Variants in SPTA1 observed in about 807,000 individuals in gnomAD.
The protein encoded by SPTA1 is spectrin alpha, erythrocytic 1.
SPTA1 carries 177 observed loss-of-function variants against 324.7 expected under a neutral mutation model. The ratio of observed to expected loss-of-function variants is 0.55; its 90% CI spans 0.48 to 0.62. SPTA1 has a LOEUF of 0.62. Ranked by LOEUF, SPTA1 falls within the 20% of genes least tolerant of loss-of-function variation. The pLI, the probability that SPTA1 is intolerant of heterozygous loss-of-function variation, is 0.00. For missense variants in SPTA1, 3,162 were observed against 2,883.6 expected (o/e 1.10, Z -2.21); for synonymous variants, 1,195 against 1,041.3 (o/e 1.15, Z -2.84).
rs376263560 is a variant in SPTA1, at chr1:158,615,177, C to A, written c.6788+39G>T. On this transcript the variant is annotated intron_variant, in intron 48 of 51. Coordinates refer to ENST00000643759, the MANE Select transcript of SPTA1 (RefSeq NM_003126.4). ...GTTAAGGTCCTAACACCTAACACCA[C>A]CTGCATCCCTCCCTGCTCTGGCCAC... is the stretch of plus-strand genomic sequence containing the variant. The A allele has an allele frequency of 5.0e-6, 8 of 1,611,556 alleles. No homozygotes were observed. The African/African-American group carries it at 9.4e-5, about 19-fold the overall frequency.
chr1:158,677,513 A>G (rs1219738110), intron 7 of SPTA1, among the ~76,000 whole-genome samples, 177 bp downstream of exon 7: 1 of 152,230 alleles, frequency 6.6e-6, no homozygotes, highest in African/African-American at 2.4e-5. Flanking sequence ...AGGTATATCC[A>G]GTATCCACAT....
At chr1:158,624,769 A>T (rs1437980651) in intron 42 of SPTA1, among the ~76,000 whole-genome samples, 1 of 152,246 alleles carries the variant, frequency 6.6e-6, no homozygotes, top group Non-Finnish European at 1.5e-5. Context: ...ATAGGGCACA[A>T]GTCTAGAAGC....
chr1:158,681,474 C>T, intron 4 of SPTA1, 53 bp downstream of exon 4: 1 of 1,612,696 alleles, frequency 6.2e-7, no homozygotes, highest in East Asian at 2.2e-5. Context: ...CTATGGGGTA[C>T]CTGGGACAGA....
At chr1:158,613,027 C>G (rs1649355104) in intron 50 of SPTA1, 66 bp from the exon 51 acceptor site, 1 of 1,553,394 alleles carries the variant, frequency 6.4e-7, no homozygotes, top group Non-Finnish European at 8.8e-7. Flanking sequence ...CTTTTTAATC[C>G]TACTCAGTGT....
intron 18 of SPTA1, among the ~76,000 whole-genome samples, chr1:158,657,970 A>G (rs1652944304): frequency 6.6e-6 from 1 of 152,190 alleles, no homozygotes; most frequent in African/African-American, 2.4e-5. Context: ...TGGGTGACTG[A>G]GAGTTCCAAA....
intron 8 of SPTA1, among the ~76,000 whole-genome samples, chr1:158,675,640 A>G (rs1654343887): frequency 6.6e-6 from 1 of 152,214 alleles, no homozygotes; most frequent in South Asian, 2.1e-4. Flanking sequence ...AGATTAACAA[A>G]CAATAACTAA....
In SPTA1 at chr1:158,686,494, G is replaced by C. The variant is rs377733228; in HGVS notation, c.24C>G (p.Thr8=). The C allele has an allele frequency of 1.2e-5, 19 of 1,589,062 alleles. No homozygotes were observed. The highest frequency in any genetic ancestry group is 1.6e-5 in the Non-Finnish European group (18 of 1,158,160). ...GCATGGAAGAGAAATATGTACTTAC[G>C]GTTTCCTTTGGAAATTGCTCCATTT... The part of the protein sequence containing the change: MEQFPKE[T]VVESSGPKVL... The change falls in exon 1 of 52, where the codon ACC becomes ACG. Residue 8 remains threonine, a splice_region_variant and synonymous_variant. Transcript: ENST00000643759.
At chr1:158,671,004 T>TACC (rs1653985314) in intron 12 of SPTA1, among the ~76,000 whole-genome samples, 1 of 151,926 alleles carries the variant, frequency 6.6e-6, no homozygotes, top group East Asian at 1.9e-4. Flanking sequence ...AAAACATGGC[T>TACC]ACCATCTAGA....
chr1:158,660,571 T>C (rs746108706), intron 18 of SPTA1, among the ~76,000 whole-genome samples: 5 of 152,220 alleles, frequency 3.3e-5, no homozygotes, highest in African/African-American at 9.7e-5. Context: ...TCTACAAGTA[T>C]AGTTGAAGAT....
At chr1:158,661,105 T>A (rs1016326021) in intron 18 of SPTA1, among the ~76,000 whole-genome samples, 182 bp downstream of exon 18, 1 of 152,220 alleles carries the variant, frequency 6.6e-6, no homozygotes, top group Non-Finnish European at 1.5e-5. Flanking sequence ...ATTGGAATAT[T>A]CCTGTTATTG....
chr1:158,677,086 C>G (rs1240745261), intron 7 of SPTA1, among the ~76,000 whole-genome samples: 1 of 152,064 alleles, frequency 6.6e-6, no homozygotes, highest in East Asian at 1.9e-4. Flanking sequence ...CCTGTGCACT[C>G]TCAGTAGTAA....
chr1:158,657,255 G>A (rs1013952250), intron 19 of SPTA1, among the ~76,000 whole-genome samples: 3 of 152,152 alleles, frequency 2.0e-5, no homozygotes, highest in African/African-American at 7.2e-5. Context: ...AATCTCTAAA[G>A]AGTATATGAA....
In SPTA1 at chr1:158,669,612, A is replaced by G. The variant is rs1056269504; in HGVS notation, c.1678-49T>C. ...ACTGTCAGCACAACCAAATATGGAC[A>G]TGTGAGATTCGCTGACCACCCTGGT... On this transcript the variant is annotated intron_variant, in intron 13 of 51. Coordinates refer to ENST00000643759, the MANE Select transcript of SPTA1 (RefSeq NM_003126.4). 11 of 1,613,982 alleles carry G rather than the reference A, an allele frequency of 6.8e-6. No homozygotes were observed. In the South Asian group the frequency reaches 8.8e-5, roughly 13 times the overall value.
chr1:158,683,443 T>A lies in SPTA1; in HGVS notation c.318A>T (p.Arg106Ser). 6.2e-7 allele frequency: 1 copy of A among 1,613,306 alleles called. No individual in the cohort carries two copies. The highest frequency in any genetic ancestry group is 8.5e-7 in the Non-Finnish European group (1 of 1,179,534). ...SLEAEVQTKS[R>S]LMSELEKTRE... ...TTGTTTTTTCCAGTTCAGACATGAGTCTTGATTTTGTTTGCACCTCTGCTT... is the reference window on the plus strand; with the variant it reads ...TTGTTTTTTCCAGTTCAGACATGAGACTTGATTTTGTTTGCACCTCTGCTT... The change falls in exon 3 of 52, where the codon AGA becomes AGT. Residue 106 changes from arginine (R) to serine (S), a missense_variant. Transcript: ENST00000643759.
At chr1:158,666,578 A>C in intron 15 of SPTA1, 81 bp from the exon 16 acceptor site, 1 of 1,218,628 alleles carries the variant, frequency 8.2e-7, no homozygotes, top group Non-Finnish European at 1.2e-6. Flanking sequence ...CTCCAATTGA[A>C]GGATCAATAT....
intron 37 of SPTA1, 45 bp from the exon 38 acceptor site, chr1:158,636,079 C>A: frequency 6.2e-7 from 1 of 1,613,952 alleles, no homozygotes; most frequent in East Asian, 2.2e-5. Context: ...CACAATCTCT[C>A]CCCATTTAGC....
chr1:158,669,854 G>A, intron 12 of SPTA1, 68 bp from the exon 13 acceptor site: 2 of 1,515,596 alleles, frequency 1.3e-6, no homozygotes, highest in Admixed American at 3.3e-5. Context: ...CCATAGTTTG[G>A]GTAGCTGTTT....
chr1:158,632,930 T>C (rs891231351), intron 39 of SPTA1, among the ~76,000 whole-genome samples: 2 of 152,098 alleles, frequency 1.3e-5, no homozygotes, highest in Non-Finnish European at 2.9e-5. Flanking sequence ...CAGCCCAGAC[T>C]CCCCTCAACA....
intron 29 of SPTA1, among the ~76,000 whole-genome samples, 176 bp downstream of exon 29, chr1:158,645,012 G>T (rs1028815980): frequency 2.6e-5 from 4 of 152,144 alleles, no homozygotes; most frequent in Non-Finnish European, 5.9e-5. Context: ...AAAGAGCAGA[G>T]AATATGACAA....
Sources: allele counts gnomAD v4.1 joint callset (sites outside exome capture counted in the v4.1 genomes callset), GRCh38; gene constraint gnomAD v4.1.1; transcripts MANE v1.5; gene names NCBI Gene and HGNC (gene_info 2026-07-23, HGNC 2026-07-21).